Variants in PITPNM2 observed in about 807,000 individuals in gnomAD.
PITPNM2 encodes the protein membrane-associated phosphatidylinositol transfer protein 2.
PITPNM2 carries 35 observed loss-of-function variants against 132.2 expected under a neutral mutation model. That is an observed-to-expected ratio of 0.26 (90% CI 0.20 to 0.35). The LOEUF (loss-of-function observed/expected upper bound fraction) is 0.35, where lower values mean the gene tolerates loss of function less well. PITPNM2 is among the 10% of genes least tolerant of loss of function. The pLI is 1.00. For synonymous variants in PITPNM2, 738 were observed against 799.2 expected, an observed-to-expected ratio of 0.92 and a Z score of 1.29; for missense variants, 1,332 against 1,912.0, an observed-to-expected ratio of 0.70 and a Z score of 5.66.
chr12:122,996,334 G>T, intron 13 of PITPNM2, 124 bp downstream of exon 13: 2 of 1,328,768 alleles, frequency 1.5e-6, no homozygotes, highest in Non-Finnish European at 1.0e-6. Context: ...CTCAGGAAGT[G>T]CTGCCAGCAT....
At chr12:122,988,916 G>C in intron 18 of PITPNM2, 44 bp from the exon 19 acceptor site, 3 of 1,499,522 alleles carry the variant, frequency 2.0e-6, no homozygotes, top group Non-Finnish European at 2.7e-6. Context: ...TATAGCCCCA[G>C]ACAGGGACCC....
In PITPNM2 at chr12:122,992,410, A is replaced by G; in HGVS notation, c.2404+89T>C. 4.2e-6 allele frequency: 6 copies of G among 1,434,216 alleles called. No individual in the cohort carries two copies. The highest frequency in any genetic ancestry group is 1.5e-5 in the African/African-American group (1 of 68,730). The allele number at this position is 1,434,216 out of a possible 1,614,324, so 88.8% of individuals were successfully genotyped here. ...ACAAGCTGTCCCTCTCACCTGGGGA[A>G]GAACCACGTAGCATGGAGGACCTAG... is the stretch of plus-strand genomic sequence containing the variant. On this transcript the variant is annotated intron_variant, in intron 16 of 25. Transcript: ENST00000320201. This position sits in a 1 kb window ranked among gnomAD's most constrained non-coding sequence, Gnocchi z 6.5.
rs1300553625 is a variant in PITPNM2 at position 123,040,303 on chromosome 12, T to C, written c.-95-5618A>G. 2.6e-5 allele frequency among the ~76,000 whole-genome samples: 4 copies of C among 152,128 alleles called. No individual in the cohort carries two copies. In the South Asian group the frequency reaches 6.2e-4, roughly 24 times the overall value. On this transcript the variant is annotated intron_variant, in intron 2 of 25. Transcript: ENST00000320201. ...GGTGATAAAAAAGCTTTGGAAGTGG[T>C]AGTGGTGATGGTTGCTCAACATTGT... is the stretch of plus-strand genomic sequence containing the variant.
At position 123,099,873 on chromosome 12, in the gene PITPNM2, T is replaced by C. The variant is rs2042514170; in HGVS notation, c.-96+10512A>G. On this transcript the variant is annotated intron_variant, in intron 2 of 25. Transcript: ENST00000320201. The surrounding 1 kb of genome is among the most constrained non-coding windows in gnomAD (Gnocchi z 4.2). ...CTATTCCCAGGGGCAATCAGAAGACTAGAAAGCACTGAAAGAGGCAGTGCC... is the reference window on the plus strand; with the variant it reads ...CTATTCCCAGGGGCAATCAGAAGACCAGAAAGCACTGAAAGAGGCAGTGCC... 6.6e-6 allele frequency among the ~76,000 whole-genome samples: 1 copy of C among 152,026 alleles called. No homozygotes were observed. The highest frequency in any genetic ancestry group is 2.4e-5 in the African/African-American group (1 of 41,380).
rs905084644 is a variant in PITPNM2, at chr12:123,050,259, A to G, written c.-95-15574T>C. On this transcript the variant is annotated intron_variant, in intron 2 of 25. Coordinates refer to ENST00000320201, the MANE Select transcript of PITPNM2 (RefSeq NM_020845.3). ...GAGATATGGCAATGCCAGGCAGCCC[A>G]AATGCCCTTAGTATAACTACCACCT... Among the ~76,000 whole-genome samples the G allele has an allele frequency of 2.0e-5, 3 of 152,222 alleles. No individual in the cohort carries two copies. The South Asian group carries it at 6.2e-4, about 32-fold the overall frequency.
intron 1 of PITPNM2, among the ~76,000 whole-genome samples, chr12:123,110,984 TTCCAGCCTTCCAGCAAGCCCC>T (rs2042823439): frequency 6.6e-6 from 1 of 152,194 alleles, no homozygotes; most frequent in Non-Finnish European, 1.5e-5. Context: ...TGCAAATGGC[TTCCAGCCTTCCAGCAAGCCCC>T]TCCAGCTGGG....
At chr12:123,042,412 G>T (rs1167538653) in intron 2 of PITPNM2, among the ~76,000 whole-genome samples, 2 of 152,152 alleles carry the variant, frequency 1.3e-5, no homozygotes, top group African/African-American at 2.4e-5. Context: ...TGTGTTTATA[G>T]AACTTAATCT....
chr12:123,059,368 G>C (rs547982849), intron 2 of PITPNM2, among the ~76,000 whole-genome samples: 23 of 152,326 alleles, frequency 1.5e-4, no homozygotes, highest in Admixed American at 3.3e-4. Flanking sequence ...AGGTCAGGGA[G>C]GAACTGCCTG....
chr12:122,987,780 C>G lies in PITPNM2; in HGVS notation c.3114+5G>C. On this transcript the variant is annotated splice_donor_5th_base_variant and intron_variant, in intron 21 of 25. Coordinates refer to ENST00000320201, the MANE Select transcript of PITPNM2 (RefSeq NM_020845.3). ...CCATGTTACCCCTACCCGCCGTGTCCTTACCTTCTCCCCAGTCAGGGTGAC... is the reference window on the plus strand; with the variant it reads ...CCATGTTACCCCTACCCGCCGTGTCGTTACCTTCTCCCCAGTCAGGGTGAC... 1.9e-6 allele frequency: 3 copies of G among 1,613,936 alleles called. No individual in the cohort carries two copies. The highest frequency in any genetic ancestry group is 1.7e-6 in the Non-Finnish European group (2 of 1,179,974).
At chr12:123,122,504 C>T (rs947519446) in intron 1 of PITPNM2, among the ~76,000 whole-genome samples, 2 of 152,148 alleles carry the variant, frequency 1.3e-5, no homozygotes, top group Non-Finnish European at 1.5e-5. Flanking sequence ...ACTTACAGAT[C>T]TGGGAAATCC....
In PITPNM2 at chr12:122,994,966, C is replaced by T. The variant is rs376175789; in HGVS notation, c.2068G>A (p.Val690Met). The T allele has an allele frequency of 2.7e-5, 43 of 1,607,250 alleles. No homozygotes were observed. Among genetic ancestry groups the T allele is most frequent in the Admixed American group, 1.7e-4 (10 of 59,446 alleles). Residue 690 changes from valine (V) to methionine (M), a missense_variant, in exon 15 of 26, where the codon GTG (valine) becomes ATG (methionine). This residue lies in a region of PITPNM2 where 710 missense variants were observed against 911.5 expected (regional missense o/e 0.78). Transcript: ENST00000320201. This position sits in a 1 kb window ranked among gnomAD's most constrained non-coding sequence, Gnocchi z 5.4. ...CGTGAGCAGGGCTCAGTCCTCAGCA[C>T]GCTGGCATGGAGGCTGCAGACCCAA... ...QAFLSSLHAS[V>M]LRTEPCSRHS...
At chr12:123,034,745 T>C (rs1368566120) in intron 2 of PITPNM2, 60 bp from the exon 3 acceptor site, 9 of 662,500 alleles carry the variant, frequency 1.4e-5, no homozygotes, top group South Asian at 3.5e-5. Context: ...GTGAATACCA[T>C]AGCACAGAGG....
At chr12:123,056,209 G>A (rs117711868) in intron 2 of PITPNM2, among the ~76,000 whole-genome samples, 2,042 of 152,296 alleles carry the variant, frequency 0.013, 27 homozygotes, top group Non-Finnish European at 0.023. Context: ...TGACTGCAGC[G>A]TCAGGCCAAG....
At position 123,005,694 on chromosome 12, in the gene PITPNM2, T is replaced by A. The variant is rs1291481206; in HGVS notation, c.644-146A>T. 40 of 710,000 alleles carry A rather than the reference T, an allele frequency of 5.6e-5. No homozygotes were observed. In the East Asian group the frequency reaches 1.0e-3, roughly 19 times the overall value. The allele number at this position is 710,000 out of a possible 1,614,324, so 44.0% of individuals were successfully genotyped here. ...ACTAAAGTCACTGCCTGTCTGTGCCTCAGTTTCCCCATTTGTAAAATAAGG... is the reference window on the plus strand; with the variant it reads ...ACTAAAGTCACTGCCTGTCTGTGCCACAGTTTCCCCATTTGTAAAATAAGG... On this transcript the variant is annotated intron_variant, in intron 6 of 25. Coordinates refer to ENST00000320201, the MANE Select transcript of PITPNM2 (RefSeq NM_020845.3). The surrounding 1 kb of genome is among the most constrained non-coding windows in gnomAD (Gnocchi z 6.2).
intron 3 of PITPNM2, among the ~76,000 whole-genome samples, chr12:123,014,285 C>T (rs1017675456): frequency 2.0e-5 from 3 of 152,264 alleles, no homozygotes; most frequent in African/African-American, 7.2e-5. Context: ...TATATTCTGA[C>T]TCCCACCTGT....
intron 3 of PITPNM2, among the ~76,000 whole-genome samples, chr12:123,032,070 G>A (rs984237112): frequency 5.3e-5 from 8 of 152,224 alleles, no homozygotes; most frequent in East Asian, 1.9e-4. Context: ...TGCATGTGTC[G>A]GCTAGATGGA....
intron 1 of PITPNM2, among the ~76,000 whole-genome samples, chr12:123,130,214 G>A (rs1455342601): frequency 6.6e-6 from 1 of 152,162 alleles, no homozygotes; most frequent in Non-Finnish European, 1.5e-5. Context: ...GCTTCCAGGA[G>A]ATGGCACAGA....
At position 122,996,874 on chromosome 12, in the gene PITPNM2, G is replaced by A; in HGVS notation, c.1509C>T (p.Ser503=). 2 of 1,587,224 alleles carry A rather than the reference G, an allele frequency of 1.3e-6. No individual in the cohort carries two copies. Among genetic ancestry groups the A allele is most frequent in the African/African-American group, 2.7e-5 (2 of 73,178 alleles). ...SPYSHDEGCL[S]SSQDHIPLAA... ...CCAGGGGAATGTGGTCCTGACTGCT[G>A]GACAGACAGCCTTCGTCATGGCTGT... The change falls in exon 12 of 26, where the codon TCC becomes TCT. Residue 503 remains serine (S), a synonymous_variant. Transcript: ENST00000320201.
chr12:122,994,151 G>A lies in PITPNM2; in HGVS notation c.2233+650C>T, dbSNP rs999923403. 6.6e-6 allele frequency among the ~76,000 whole-genome samples: 1 copy of A among 152,238 alleles called. No individual in the cohort carries two copies. The highest frequency in any genetic ancestry group is 6.5e-5 in the Admixed American group (1 of 15,284). On this transcript the variant is annotated intron_variant, in intron 15 of 25. Coordinates refer to ENST00000320201, the MANE Select transcript of PITPNM2 (RefSeq NM_020845.3). The surrounding 1 kb of genome is among the most constrained non-coding windows in gnomAD (Gnocchi z 5.4). ...GGCCTCCCAAAGTGCTGGATTACAG[G>A]CGTGAGCCACCGCGCCCGGCCAGCT...
Sources: gnomAD v4.1 joint callset for allele counts (sites outside exome capture counted in the v4.1 genomes callset) on GRCh38, gnomAD v4.1.1 for gene constraint, gnomAD v4.1.1 regional missense constraint, Gnocchi (gnomAD v3.1) non-coding constraint, MANE v1.5 for transcripts, NCBI Gene and HGNC (gene_info 2026-07-23, HGNC 2026-07-21) for gene names.